ITGAE: variants seen among roughly 807,000 people sequenced by gnomAD.
ITGAE encodes integrin subunit alpha E.
A neutral mutation model predicts 136.5 loss-of-function variants in ITGAE; 99 were observed. The observed-to-expected ratio is 0.73, with a 90% CI of 0.62 to 0.86. The LOEUF (loss-of-function observed/expected upper bound fraction) is 0.86. ITGAE is among the 40% of genes least tolerant of loss of function. ITGAE has a pLI of 0.00. For synonymous variants in ITGAE, 613 were observed against 591.8 expected (o/e 1.04, Z -0.52); for missense variants, 1,447 against 1,515.3 (o/e 0.95, Z 0.75).
At chr17:3,724,963 A>G (rs781098300) in intron 26 of ITGAE, 6 of 1,614,176 alleles carry the variant, frequency 3.7e-6, no homozygotes, top group Non-Finnish European at 4.2e-6. Flanking sequence ...AGCAAACATC[A>G]GGAGGCAACG....
intron 2 of ITGAE, among the ~76,000 whole-genome samples, chr17:3,765,844 ACT>A (rs2052285624): frequency 6.6e-6 from 1 of 151,584 alleles, no homozygotes; most frequent in South Asian, 2.1e-4. Context: ...TTGCCGGCAC[ACT>A]CTCCCTAGTG....
chr17:3,741,792 C>G (rs1055678999), intron 19 of ITGAE, among the ~76,000 whole-genome samples: 5 of 152,092 alleles, frequency 3.3e-5, no homozygotes, highest in African/African-American at 9.7e-5. Flanking sequence ...AAATGCATAA[C>G]CTGGCCAGGC....
At chr17:3,736,633 T>A (rs2051464159) in intron 20 of ITGAE, among the ~76,000 whole-genome samples, 1 of 152,146 alleles carries the variant, frequency 6.6e-6, no homozygotes. Flanking sequence ...GTCCTGGGGA[T>A]GTGTGAAAGG....
At chr17:3,744,680 T>G (rs1445084907) in intron 18 of ITGAE, among the ~76,000 whole-genome samples, 1 of 151,582 alleles carries the variant, frequency 6.6e-6, no homozygotes, top group African/African-American at 2.4e-5. Context: ...AACTCCTGAC[T>G]TCAGGTGATC....
intron 1 of ITGAE, among the ~76,000 whole-genome samples, chr17:3,796,346 T>C (rs2053103620): frequency 6.6e-6 from 1 of 152,112 alleles, no homozygotes; most frequent in Non-Finnish European, 1.5e-5. Flanking sequence ...AACCACCTCC[T>C]GTTGCATTTC....
intron 1 of ITGAE, among the ~76,000 whole-genome samples, chr17:3,789,491 CCTT>C (rs1384216479): frequency 5.4e-5 from 5 of 93,160 alleles, no homozygotes; most frequent in African/African-American, 1.6e-4. Flanking sequence ...CTCTCTCTTT[CCTT>C]CTTTTTTTTT....
At chr17:3,792,534 G>A (rs2052967636) in intron 1 of ITGAE, among the ~76,000 whole-genome samples, 1 of 152,036 alleles carries the variant, frequency 6.6e-6, no homozygotes, top group Admixed American at 6.6e-5. Context: ...TAATGGGGCA[G>A]GCAAAAAAGA....
chr17:3,756,907 A>T, intron 10 of ITGAE, 77 bp downstream of exon 10: 1 of 1,481,032 alleles, frequency 6.8e-7, no homozygotes, highest in Non-Finnish European at 9.2e-7. Context: ...CAGAGAAACC[A>T]CATGAAGATG....
At chr17:3,782,340 A>AGT (rs151134975) in intron 1 of ITGAE, among the ~76,000 whole-genome samples, 14,778 of 109,416 alleles carry the variant, frequency 0.14, 938 homozygotes, top group Middle Eastern at 0.22. Flanking sequence ...TTAAATCTCT[A>AGT]GTGTGTGTGT....
chr17:3,719,276 A>G (rs865939717), intron 29 of ITGAE, among the ~76,000 whole-genome samples: 1 of 151,470 alleles, frequency 6.6e-6, no homozygotes, highest in South Asian at 2.1e-4. Flanking sequence ...AGAAAAAGAA[A>G]TACACTACTT....
chr17:3,767,007 A>G (rs1315452922), intron 2 of ITGAE, among the ~76,000 whole-genome samples: 1 of 151,870 alleles, frequency 6.6e-6, no homozygotes, highest in African/African-American at 2.4e-5. Context: ...GGCAAAACCC[A>G]GGAGGCATCC....
intron 24 of ITGAE, 160 bp downstream of exon 24, chr17:3,729,318 C>T: frequency 1.6e-6 from 1 of 636,106 alleles, no homozygotes; most frequent in Non-Finnish European, 2.9e-6. Context: ...AATGTTAGCA[C>T]CCTAGAGATC....
chr17:3,744,699 T>C (rs2051672211), intron 18 of ITGAE, among the ~76,000 whole-genome samples: 2 of 152,156 alleles, frequency 1.3e-5, no homozygotes, highest in Admixed American at 1.3e-4. Context: ...TCCTCCCACC[T>C]CGGCCTCCCA....
chr17:3,721,441 T>C (rs1476565192), intron 28 of ITGAE, among the ~76,000 whole-genome samples: 1 of 151,030 alleles, frequency 6.6e-6, no homozygotes, highest in Non-Finnish European at 1.5e-5. Flanking sequence ...GTGGCTAATT[T>C]ATGTATTTAT....
intron 26 of ITGAE, chr17:3,724,262 A>G (rs919861320): frequency 6.3e-7 from 1 of 1,591,602 alleles, no homozygotes; most frequent in African/African-American, 1.3e-5. Context: ...GCCCAAGCCT[A>G]ACCGTGACCC....
rs199656892 is a variant in ITGAE, at chr17:3,734,803, A to G, written c.2655+14T>C. On this transcript the variant is annotated intron_variant, in intron 21 of 30. Transcript: ENST00000263087. ...GCGTGAGGGACCTGTTTCCACAGCC[A>G]CCGTCACAGTCACCTTTTGCATCCT... The G allele has an allele frequency of 8.2e-5, 133 of 1,613,938 alleles. No homozygotes were observed. In the African/African-American group the frequency reaches 1.6e-3, roughly 20 times the overall value.
intron 17 of ITGAE, 113 bp from the exon 18 acceptor site, chr17:3,746,040 C>T: frequency 2.2e-6 from 2 of 918,026 alleles, no homozygotes; most frequent in Non-Finnish European, 3.3e-6. Flanking sequence ...TGTCCCCATG[C>T]AGGTACTTCC....
intron 1 of ITGAE, among the ~76,000 whole-genome samples, chr17:3,794,622 C>T (rs559161374): frequency 3.9e-5 from 6 of 152,122 alleles, no homozygotes; most frequent in African/African-American, 9.7e-5. Context: ...GGAAGAAGGC[C>T]GTACTGTTCC....
In ITGAE at chr17:3,728,091, T is replaced by A. The variant is rs73974116; in HGVS notation, c.2976+14A>T. The A allele has an allele frequency of 6.4e-4, 1,027 of 1,608,908 alleles. 8 individuals are homozygous for A. The African/African-American group carries it at 0.011, about 18-fold the overall frequency. ...TGCTTTGCCATCTACAGCTTTACAA[T>A]AATAAGTACTTACATGGAAGAGGAA... On this transcript the variant is annotated intron_variant, in intron 25 of 30. Transcript: ENST00000263087.
Sources: gnomAD v4.1 joint callset for allele counts (sites outside exome capture counted in the v4.1 genomes callset) on GRCh38, gnomAD v4.1.1 for gene constraint, MANE v1.5 for transcripts, NCBI Gene and HGNC (gene_info 2026-07-23, HGNC 2026-07-21) for gene names.